CC2D1A: variants seen among roughly 807,000 people sequenced by gnomAD.
CC2D1A encodes coiled-coil and C2 domain-containing protein 1A.
A neutral mutation model predicts 123.8 loss-of-function variants in CC2D1A; 68 were observed. The ratio of observed to expected loss-of-function variants is 0.55; its 90% confidence interval spans 0.45 to 0.67. The LOEUF (loss-of-function observed/expected upper bound fraction) is 0.67, where lower values mean the gene tolerates loss of function less well. Ranked by LOEUF, CC2D1A falls within the 30% of genes least tolerant of loss-of-function variation. CC2D1A has a pLI of 0.00. For missense variants in CC2D1A, 1,185 were observed against 1,290.3 expected (o/e 0.92, Z 1.25); for synonymous variants, 477 against 528.0 (o/e 0.90, Z 1.32).
chr19:13,919,654 G>A lies in CC2D1A; in HGVS notation c.1223-164G>A, dbSNP rs372688806. ...GATCATGCCACTGTACTCCAGCCTG[G>A]GCAACAGAGCGAGATCCTGTCTCAA... On this transcript the variant is annotated intron_variant, in intron 11 of 28. Coordinates refer to ENST00000318003, the MANE Select transcript of CC2D1A (RefSeq NM_017721.5). 116 of 567,768 alleles carry A rather than the reference G, an allele frequency of 2.0e-4. 2 individuals are homozygous for A. In the East Asian group the frequency reaches 2.7e-3, roughly 13 times the overall value. The allele number at this position is 567,768 out of a possible 1,614,324, so 35.2% of individuals were successfully genotyped here. A position where few individuals can be genotyped will look rare whatever the true frequency, so the allele number is the denominator to read the frequency against.
chr19:13,915,400 C>A (rs191015849), intron 6 of CC2D1A, among the ~76,000 whole-genome samples: 14 of 152,270 alleles, frequency 9.2e-5, no homozygotes, highest in Non-Finnish European at 1.9e-4. Context: ...CGCCCACCAC[C>A]AAGCCCGGCT....
chr19:13,914,791 G>C (rs555360756), intron 6 of CC2D1A, among the ~76,000 whole-genome samples: 3 of 152,142 alleles, frequency 2.0e-5, no homozygotes, highest in Non-Finnish European at 4.4e-5. Flanking sequence ...ATATGCCACC[G>C]TGCCCCATGC....
At chr19:13,907,393 C>T (rs1314010361) in intron 1 of CC2D1A, among the ~76,000 whole-genome samples, 4 of 152,012 alleles carry the variant, frequency 2.6e-5, no homozygotes, top group Non-Finnish European at 5.9e-5. Flanking sequence ...GCCTGGGTGA[C>T]AGAACAAGAC....
chr19:13,929,683 C>T, intron 26 of CC2D1A, 23 bp downstream of exon 26: 2 of 1,337,190 alleles, frequency 1.5e-6, no homozygotes, highest in Non-Finnish European at 2.0e-6. Flanking sequence ...AGATGGGCAT[C>T]TGGTGGGGGA....
chr19:13,922,080 C>A (rs540058014), intron 14 of CC2D1A, among the ~76,000 whole-genome samples: 26 of 152,352 alleles, frequency 1.7e-4, no homozygotes, highest in African/African-American at 6.3e-4. Context: ...CAGCTCACTG[C>A]AACCTCTACC....
At chr19:13,926,056 A>G (rs1179597036) in intron 17 of CC2D1A, among the ~76,000 whole-genome samples, 17 of 126,942 alleles carry the variant, frequency 1.3e-4, no homozygotes, top group East Asian at 4.1e-4. Context: ...ACGTATATAT[A>G]TGTATATATA....
chr19:13,925,789 G>T (rs1026996789), intron 17 of CC2D1A, among the ~76,000 whole-genome samples: 1 of 149,560 alleles, frequency 6.7e-6, no homozygotes, highest in African/African-American at 2.5e-5. Flanking sequence ...CAGTGGTGGC[G>T]GGCAGCTGTA....
Position 13,913,569 on chromosome 19 carries a change from A to C in CC2D1A, c.679A>C (p.Thr227Pro), listed in dbSNP as rs1971092453. 1 of 1,613,862 alleles carries C rather than the reference A, an allele frequency of 6.2e-7. No homozygotes were observed. Among genetic ancestry groups the C allele is most frequent in the South Asian group, 1.1e-5 (1 of 91,078 alleles). ...CGCGTCAGCCCCAGAGCCCAGGGTC[A>C]CCCTGGAGGGACCTTCTGCCACCGC... The part of the protein sequence containing the change: ...RIASAPEPRV[T>P]LEGPSATAPA... Residue 227 changes from threonine to proline, a missense_variant, in exon 6 of 29, where the codon ACC becomes CCC. Thr to Pro is a conservative substitution (Grantham distance 38). Coordinates refer to ENST00000318003, the MANE Select transcript of CC2D1A (RefSeq NM_017721.5).
chr19:13,927,803 A>G, intron 22 of CC2D1A, 90 bp from the exon 23 acceptor site: 4 of 1,410,936 alleles, frequency 2.8e-6, no homozygotes, highest in Non-Finnish European at 3.8e-6. Context: ...AAACCAAAAA[A>G]AAAAACCAGT....
At position 13,930,362 on chromosome 19, in the gene CC2D1A, T is replaced by C. The variant is rs753106611; in HGVS notation, c.2836-13T>C. The C allele has an allele frequency of 1.2e-6, 2 of 1,613,386 alleles. No individual in the cohort carries two copies. The highest frequency in any genetic ancestry group is 1.7e-6 in the Non-Finnish European group (2 of 1,179,574). Reference sequence around the variant, plus strand: ...GCCCACCTCCATGACCCCAGTGGCCTCCTCTCCCCCAGCTGCAGCGGCTCC... The same window carrying C: ...GCCCACCTCCATGACCCCAGTGGCCCCCTCTCCCCCAGCTGCAGCGGCTCC... On this transcript the variant is annotated splice_polypyrimidine_tract_variant and intron_variant, in intron 28 of 28. Transcript: ENST00000318003. The surrounding 1 kb of genome is among the most constrained non-coding windows in gnomAD (Gnocchi z 6.8).
rs1315518981 is a variant in CC2D1A, at chr19:13,925,933, A to AAATATATATAT, written c.1941-583_1941-582insATATATATATA. Among the ~76,000 whole-genome samples, 14 of 91,042 alleles carry AAATATATATAT rather than the reference A, an allele frequency of 1.5e-4. 1 individual carries two copies. Among genetic ancestry groups the AAATATATATAT allele is most frequent in the African/African-American group, 8.2e-4 (12 of 14,656 alleles). The allele number at this position is 91,042 out of a possible 152,430, so 59.7% of individuals were successfully genotyped here. ...AGACTCTGTCTAAAAAAAAAAAAAAAATATATATATATATATATATATATA... is the reference window on the plus strand; with the variant it reads ...AGACTCTGTCTAAAAAAAAAAAAAAAAATATATATATATATATATATATATATATATATATA... On this transcript the variant is annotated intron_variant, in intron 17 of 28. Transcript: ENST00000318003.
chr19:13,919,172 G>A lies in CC2D1A; in HGVS notation c.1192G>A (p.Val398Met), dbSNP rs201177183. The change falls in exon 11 of 29, where the codon GTG becomes ATG. Residue 398 changes from valine to methionine, a missense_variant. Val to Met is a conservative substitution (Grantham distance 21). Transcript: ENST00000318003. ...AIRAHKAGRA[V>M]DVAELPVPPG... ...CCGAGCCCACAAGGCTGGCCGAGCC[G>A]TGGATGTCGCTGAATTGCCCGTGCC... The A allele has an allele frequency of 3.6e-4, 588 of 1,612,998 alleles. 1 individual carries two copies. Among genetic ancestry groups the A allele is most frequent in the African/African-American group, 1.8e-3 (138 of 75,016 alleles).
In CC2D1A at chr19:13,909,825, G is replaced by A. The variant is rs1368657751; in HGVS notation, c.63G>A (p.Leu21=). Residue 21 remains leucine, a splice_region_variant and synonymous_variant, in exon 2 of 29, where the codon CTG becomes CTA. Coordinates refer to ENST00000318003, the MANE Select transcript of CC2D1A (RefSeq NM_017721.5). ...PGRGAAAARQ[L]GLLVDLSPDG... is the part of the protein sequence containing the mutation. ...CTGAACCCTTGCTGTTCCCCTAGCT[G>A]GGCCTGCTGGTTGACCTCTCCCCAG... is the stretch of plus-strand genomic sequence containing the variant. 1 of 1,588,706 alleles carries A rather than the reference G, an allele frequency of 6.3e-7. No individual in the cohort carries two copies. The highest frequency in any genetic ancestry group is 2.3e-5 in the East Asian group (1 of 44,302).
chr19:13,926,745 G>A lies in CC2D1A; in HGVS notation c.2073+20G>A. ...AACGTGGTACGTGGGGAGCTGAGGA[G>A]GGGAGGGCTGCAGCCTCAGTGGGCC... On this transcript the variant is annotated intron_variant, in intron 19 of 28. Transcript: ENST00000318003. 1 of 1,614,112 alleles carries A rather than the reference G, an allele frequency of 6.2e-7. No homozygotes were observed. Among genetic ancestry groups the A allele is most frequent in the Non-Finnish European group, 8.5e-7 (1 of 1,180,002 alleles).
chr19:13,924,421 C>T (rs892331255), intron 17 of CC2D1A, among the ~76,000 whole-genome samples: 4 of 152,212 alleles, frequency 2.6e-5, no homozygotes, highest in South Asian at 4.1e-4. Flanking sequence ...CCGCCCACCT[C>T]GGCCTCCCAA....
rs759453075 is a variant in CC2D1A, at chr19:13,920,787, G to T, written c.1506G>T (p.Lys502Asn). 28 of 1,613,886 alleles carry T rather than the reference G, an allele frequency of 1.7e-5. No homozygotes were observed. The highest frequency in any genetic ancestry group is 2.1e-5 in the Non-Finnish European group (25 of 1,179,930). The change falls in exon 14 of 29, where the codon AAG (lysine) becomes AAT (asparagine). Residue 502 changes from lysine to asparagine, a missense_variant. Coordinates refer to ENST00000318003, the MANE Select transcript of CC2D1A (RefSeq NM_017721.5). ...TGGCCTTCCTAGAGGGCCGCAAGAAGCAGCTCCTGCAGGCCGCACTGCGAG... is the reference window on the plus strand; with the variant it reads ...TGGCCTTCCTAGAGGGCCGCAAGAATCAGCTCCTGCAGGCCGCACTGCGAG... ...QQLAFLEGRK[K>N]QLLQAALRAK...
At chr19:13,913,921 G>C (rs1273988973) in intron 6 of CC2D1A, among the ~76,000 whole-genome samples, 1 of 152,024 alleles carries the variant, frequency 6.6e-6, no homozygotes, top group African/African-American at 2.4e-5. Context: ...CGTTCTTGTT[G>C]CCCAGGCTGG....
In CC2D1A at chr19:13,913,629, A is replaced by C. The variant is rs556056976; in HGVS notation, c.739A>C (p.Met247Leu). Residue 247 changes from methionine (M) to leucine (L), a missense_variant, in exon 6 of 29, where the codon ATG becomes CTG. Transcript: ENST00000318003. ...ASSPGLAKPQ[M>L]PPGPCSPGPL... ...ATCTCCAGGCTTGGCTAAGCCCCAG[A>C]TGCCCCCAGGTAGGTGATGGGCAGG... 98 of 1,605,104 alleles carry C rather than the reference A, an allele frequency of 6.1e-5. No homozygotes were observed. Among genetic ancestry groups the C allele is most frequent in the Non-Finnish European group, 7.7e-5 (91 of 1,174,622 alleles).
At position 13,923,736 on chromosome 19, in the gene CC2D1A, T is replaced by C. The variant is rs1971492583; in HGVS notation, c.1865T>C (p.Ile622Thr). ...LAEDCKRSMDILKQAFVRGLP... is the reference protein window; with the variant it reads ...LAEDCKRSMDTLKQAFVRGLP... ...GAGGACTGTAAGCGGAGCATGGACA[T>C]TCTGAAGCAAGCCTTCGTCCGGGGT... Residue 622 changes from isoleucine (I) to threonine (T), a missense_variant, in exon 17 of 29, where the codon ATT (isoleucine) becomes ACT (threonine). By Grantham distance (89) the Ile-to-Thr change is moderately conservative. Transcript: ENST00000318003. The surrounding 1 kb of genome is among the most constrained non-coding windows in gnomAD (Gnocchi z 5.3). The C allele has an allele frequency of 1.2e-6, 2 of 1,614,162 alleles. No individual in the cohort carries two copies. Among genetic ancestry groups the C allele is most frequent in the Non-Finnish European group, 8.5e-7 (1 of 1,180,012 alleles).
Sources: gnomAD v4.1 joint callset for allele counts (sites outside exome capture counted in the v4.1 genomes callset) on GRCh38, gnomAD v4.1.1 for gene constraint, Gnocchi (gnomAD v3.1) non-coding constraint, MANE v1.5 for transcripts, NCBI Gene and HGNC (gene_info 2026-07-23, HGNC 2026-07-21) for gene names.